Variants in FGF2 observed in about 807,000 individuals in gnomAD.
The protein encoded by FGF2 is basic fibroblast growth factor bFGF.
Under a neutral mutation model 15.9 loss-of-function variants are expected in FGF2, and 13 were observed. The ratio of observed to expected loss-of-function variants is 0.82; its 90% confidence interval spans 0.53 to 1.30. The LOEUF (loss-of-function observed/expected upper bound fraction) is 1.30, where lower values mean the gene tolerates loss of function less well. Ranked by LOEUF, FGF2 falls within the 50% of genes most tolerant of loss-of-function variation. The pLI is 0.00. For synonymous variants in FGF2, 90 were observed against 78.4 expected, an observed-to-expected ratio of 1.15 and a Z score of -0.78; for missense variants, 163 against 196.9, an observed-to-expected ratio of 0.83 and a Z score of 1.03.
chr4:122,830,937 C>T (rs1288398894), intron 1 of FGF2, among the ~76,000 whole-genome samples: 4 of 151,902 alleles, frequency 2.6e-5, no homozygotes, highest in Non-Finnish European at 4.4e-5. Context: ...CCAGAGGACG[C>T]TGAGACTTGG....
At chr4:122,863,907 T>C (rs1726521454) in intron 1 of FGF2, among the ~76,000 whole-genome samples, 1 of 152,202 alleles carries the variant, frequency 6.6e-6, no homozygotes, top group Admixed American at 6.5e-5. Flanking sequence ...ATAAGGCCTT[T>C]CAACTGATTG....
Position 122,851,049 on chromosome 4 carries a change from C to A in FGF2, c.178+23697C>A, listed in dbSNP as rs1409359251. Reference sequence around the variant, plus strand: ...ATTTTCATCCATTCCCCTACTTCCCCTGCTCCCCCATCCTTGCATCCAACC... The same window carrying A: ...ATTTTCATCCATTCCCCTACTTCCCATGCTCCCCCATCCTTGCATCCAACC... On this transcript the variant is annotated intron_variant, in intron 1 of 2. Coordinates refer to ENST00000644866, the MANE Select transcript of FGF2 (RefSeq NM_001361665.2). Among the ~76,000 whole-genome samples the A allele has an allele frequency of 2.0e-5, 3 of 152,060 alleles. No homozygotes were observed. The East Asian group carries it at 5.8e-4, about 29-fold the overall frequency.
intron 1 of FGF2, among the ~76,000 whole-genome samples, chr4:122,874,105 G>C (rs1205377077): frequency 1.3e-5 from 2 of 152,188 alleles, no homozygotes; most frequent in African/African-American, 4.8e-5. Context: ...TATAGCGATT[G>C]ATTATTCAGC....
chr4:122,889,536 T>C (rs1727126291), intron 2 of FGF2, among the ~76,000 whole-genome samples: 1 of 152,204 alleles, frequency 6.6e-6, no homozygotes, highest in Admixed American at 6.5e-5. Context: ...GTACATATGT[T>C]GCTCTGTTAG....
At chr4:122,862,649 G>A (rs1011312978) in intron 1 of FGF2, among the ~76,000 whole-genome samples, 4 of 152,150 alleles carry the variant, frequency 2.6e-5, no homozygotes, top group Admixed American at 2.6e-4. Flanking sequence ...TTGGACAGTT[G>A]TTTGTCATGG....
rs74422390 is a variant in FGF2, at chr4:122,852,112, A to G, written c.179-24209A>G. 1.2e-3 allele frequency among the ~76,000 whole-genome samples: 179 copies of G among 152,274 alleles called. 1 individual carries two copies. The highest frequency in any genetic ancestry group is 3.7e-3 in the African/African-American group (154 of 41,550). On this transcript the variant is annotated intron_variant, in intron 1 of 2. Coordinates refer to ENST00000644866, the MANE Select transcript of FGF2 (RefSeq NM_001361665.2). ...TTCAGTTGTCTATTGCTGTGTAACAAACATCTCAAAGCTGTGTGGTCTAAA... is the reference window on the plus strand; with the variant it reads ...TTCAGTTGTCTATTGCTGTGTAACAGACATCTCAAAGCTGTGTGGTCTAAA...
At position 122,896,580 on chromosome 4, in the gene FGF2, C is replaced by A. The variant is rs961003031; in HGVS notation, c.*4184C>A. The A allele has an allele frequency of 2.6e-5, 4 of 152,120 alleles. No homozygotes were observed. Among genetic ancestry groups the A allele is most frequent in the African/African-American group, 9.7e-5 (4 of 41,412 alleles). 9.4% of individuals were successfully genotyped at this position (152,120 alleles called of 1,614,324 possible). On this transcript the variant is annotated 3_prime_UTR_variant, in exon 3 of 3. Coordinates refer to ENST00000644866, the MANE Select transcript of FGF2 (RefSeq NM_001361665.2). ...AGCATTCACACCACTACAAAATCAT[C>A]TTTTATATCAACAGAAGAATAAGCA...
At chr4:122,830,815 A>C (rs1725747913) in intron 1 of FGF2, among the ~76,000 whole-genome samples, 1 of 109,630 alleles carries the variant, frequency 9.1e-6, no homozygotes. Flanking sequence ...GCTCTTATTT[A>C]CAAAAAAAAA....
At chr4:122,844,618 T>C (rs56218880) in intron 1 of FGF2, among the ~76,000 whole-genome samples, 4,104 of 109,280 alleles carry the variant, frequency 0.038, 93 homozygotes, top group Non-Finnish European at 0.047. Context: ...TTCCTTCCTT[T>C]CTTTCTTCCT....
chr4:122,871,277 G>A (rs45519646), intron 1 of FGF2, among the ~76,000 whole-genome samples: 3,257 of 152,244 alleles, frequency 0.021, 59 homozygotes, highest in Non-Finnish European at 0.035. Flanking sequence ...ATGTGGTACT[G>A]AGAAGAATGT....
chr4:122,876,861 T>C (rs41372044), intron 2 of FGF2, among the ~76,000 whole-genome samples: 88 of 152,358 alleles, frequency 5.8e-4, no homozygotes, highest in Admixed American at 5.2e-3. Context: ...GAATGTAAGC[T>C]TTCTGCCTGG....
At chr4:122,887,393 C>T (rs1361274090) in intron 2 of FGF2, among the ~76,000 whole-genome samples, 1 of 152,154 alleles carries the variant, frequency 6.6e-6, no homozygotes, top group Non-Finnish European at 1.5e-5. Context: ...CCATCAATAA[C>T]AAATGAATAT....
chr4:122,837,501 A>G (rs912895347), intron 1 of FGF2, among the ~76,000 whole-genome samples: 5 of 152,214 alleles, frequency 3.3e-5, no homozygotes, highest in African/African-American at 1.2e-4. Flanking sequence ...CTTTTAATCC[A>G]ATACTTGCTG....
Position 122,897,589 on chromosome 4 carries a change from T to C in FGF2, c.*5193T>C. The C allele has an allele frequency of 1.4e-6, 2 of 1,439,862 alleles. No individual in the cohort carries two copies. The highest frequency in any genetic ancestry group is 2.0e-6 in the Non-Finnish European group (2 of 1,022,166). 89.2% of individuals were successfully genotyped at this position (1,439,862 alleles called of 1,614,324 possible). A position where few individuals can be genotyped will look rare whatever the true frequency, so the allele number is the denominator to read the frequency against. On this transcript the variant is annotated 3_prime_UTR_variant, in exon 3 of 3. Coordinates refer to ENST00000644866, the MANE Select transcript of FGF2 (RefSeq NM_001361665.2). ...AGTAAACACATTAATTTCCTCAACA[T>C]TTTTAAGCCAATTAAAAATATAAAA... is the stretch of plus-strand genomic sequence containing the variant.
chr4:122,828,131 G>GCTTT (rs1472533038), intron 1 of FGF2, among the ~76,000 whole-genome samples: 1 of 152,182 alleles, frequency 6.6e-6, no homozygotes, highest in African/African-American at 2.4e-5. Flanking sequence ...TTGCAGTTTT[G>GCTTT]CTTTCTGTAA....
chr4:122,838,532 A>G (rs1366418062), intron 1 of FGF2, among the ~76,000 whole-genome samples: 2 of 152,236 alleles, frequency 1.3e-5, no homozygotes, highest in Non-Finnish European at 2.9e-5. Context: ...TTTGTCCATA[A>G]CAACTGGTGA....
chr4:122,870,612 T>A (rs1259653353), intron 1 of FGF2, among the ~76,000 whole-genome samples: 1 of 152,230 alleles, frequency 6.6e-6, no homozygotes, highest in African/African-American at 2.4e-5. Context: ...TTTATTTGAG[T>A]AGAAGTGTTT....
chr4:122,856,025 CAT>C (rs1265113630), intron 1 of FGF2, among the ~76,000 whole-genome samples: 1 of 151,990 alleles, frequency 6.6e-6, no homozygotes, highest in Non-Finnish European at 1.5e-5. Flanking sequence ...GCCCACAGAC[CAT>C]ATGTGTCTCT....
chr4:122,859,651 T>TACAC (rs1210519332), intron 1 of FGF2, among the ~76,000 whole-genome samples: 20 of 31,262 alleles, frequency 6.4e-4, no homozygotes, highest in African/African-American at 2.2e-3. Context: ...TACATATGTA[T>TACAC]ATACACACAC....
Sources: allele counts gnomAD v4.1 joint callset (sites outside exome capture counted in the v4.1 genomes callset), GRCh38; gene constraint gnomAD v4.1.1; transcripts MANE v1.5; gene names NCBI Gene and HGNC (gene_info 2026-07-23, HGNC 2026-07-21).